Variants in GHR observed in about 807,000 individuals in gnomAD.
The protein encoded by GHR is GH receptor.
Under a neutral mutation model 67.1 loss-of-function variants are expected in GHR, and 35 were observed. The observed-to-expected ratio is 0.52, with a 90% CI of 0.40 to 0.69. GHR has a LOEUF of 0.69. Ranked by LOEUF, GHR falls within the 30% of genes least tolerant of loss-of-function variation. The probability of loss-of-function intolerance (pLI) is 0.00; values close to 1 mark genes in which losing one functional copy is unlikely to be tolerated. For synonymous variants in GHR, 272 were observed against 269.1 expected (o/e 1.01, Z -0.10); for missense variants, 792 against 764.6 (o/e 1.04, Z -0.42).
At chr5:42,665,736 T>TA (rs34918355) in intron 3 of GHR, among the ~76,000 whole-genome samples, 99,726 of 151,274 alleles carry the variant, frequency 0.66, 34,161 homozygotes, top group East Asian at 0.82. Context: ...CCCTGAAACT[T>TA]AAAGTATAAT....
chr5:42,465,618 T>TTA (rs78358184), intron 1 of GHR: 200,012 of 1,036,114 alleles, frequency 0.19, 21,225 homozygotes, highest in African/African-American at 0.29. Flanking sequence ...GGGGACTCTG[T>TTA]TAATTCATCT....
At chr5:42,668,605 C>T (rs745899333) in intron 3 of GHR, among the ~76,000 whole-genome samples, 18 of 152,080 alleles carry the variant, frequency 1.2e-4, no homozygotes, top group Non-Finnish European at 1.5e-5. Context: ...AAATTAAAAA[C>T]ATGCACATAA....
intron 1 of GHR, among the ~76,000 whole-genome samples, chr5:42,526,392 T>G (rs528468473): frequency 6.6e-6 from 1 of 152,308 alleles, no homozygotes; most frequent in South Asian, 2.1e-4. Context: ...TAAGAAGCCA[T>G]CTGTGTAATA....
rs1750552647 is a variant in GHR at position 42,574,736 on chromosome 5, C to A, written c.70+8792C>A. Reference sequence around the variant, plus strand: ...AACCAAAATAGAAGAATATTAAGAACTTTAACATGAGATGTATTTAGATCA... The same window carrying A: ...AACCAAAATAGAAGAATATTAAGAAATTTAACATGAGATGTATTTAGATCA... On this transcript the variant is annotated intron_variant, in intron 2 of 9. Coordinates refer to ENST00000230882, the MANE Select transcript of GHR (RefSeq NM_000163.5). Among the ~76,000 whole-genome samples, 5 of 152,064 alleles carry A rather than the reference C, an allele frequency of 3.3e-5. No individual in the cohort carries two copies. In the South Asian group the frequency reaches 1.0e-3, roughly 32 times the overall value.
At chr5:42,547,010 C>T (rs947000125) in intron 1 of GHR, among the ~76,000 whole-genome samples, 3 of 152,130 alleles carry the variant, frequency 2.0e-5, no homozygotes, top group African/African-American at 4.8e-5. Flanking sequence ...GTTTTAGAAA[C>T]GTGATTTAGA....
intron 2 of GHR, among the ~76,000 whole-genome samples, chr5:42,574,698 G>GAA (rs1750549071): frequency 6.6e-6 from 1 of 152,172 alleles, no homozygotes; most frequent in Non-Finnish European, 1.5e-5. Context: ...GAAAAAAATG[G>GAA]AAGAATATTA....
At chr5:42,534,220 ATGTACATGTGTATATG>A (rs1748127317) in intron 1 of GHR, among the ~76,000 whole-genome samples, 1 of 121,584 alleles carries the variant, frequency 8.2e-6, no homozygotes, top group African/African-American at 4.0e-5. Context: ...ATATGTATAT[ATGTACATGTGTATATG>A]TGTATATATG....
At chr5:42,657,295 G>A (rs997099140) in intron 3 of GHR, among the ~76,000 whole-genome samples, 1 of 152,044 alleles carries the variant, frequency 6.6e-6, no homozygotes, top group Non-Finnish European at 1.5e-5. Flanking sequence ...GAAATGGTAG[G>A]TCCAGGTGAC....
chr5:42,551,398 G>A (rs910730591), intron 1 of GHR, among the ~76,000 whole-genome samples: 1 of 152,200 alleles, frequency 6.6e-6, no homozygotes, highest in Non-Finnish European at 1.5e-5. Context: ...ACTTTGAAGG[G>A]TAGGTAGAGT....
At chr5:42,463,067 TTTAC>T (rs1454074601) in intron 1 of GHR, among the ~76,000 whole-genome samples, 1 of 152,184 alleles carries the variant, frequency 6.6e-6, no homozygotes, top group Non-Finnish European at 1.5e-5. Flanking sequence ...GATTGTAATA[TTTAC>T]TTAACCTTTC....
intron 1 of GHR, among the ~76,000 whole-genome samples, chr5:42,516,023 G>T (rs922147087): frequency 6.6e-6 from 1 of 152,160 alleles, no homozygotes; most frequent in Non-Finnish European, 1.5e-5. Context: ...TTTAGAGGGG[G>T]CACAGAGAAT....
rs1319959233 is a variant in GHR, at chr5:42,551,343, T to C, written c.-11-14521T>C. Among the ~76,000 whole-genome samples the C allele has an allele frequency of 2.0e-5, 3 of 151,982 alleles. No individual in the cohort carries two copies. The South Asian group carries it at 6.2e-4, about 32-fold the overall frequency. On this transcript the variant is annotated intron_variant, in intron 1 of 9. Coordinates refer to ENST00000230882, the MANE Select transcript of GHR (RefSeq NM_000163.5). ...AGAGGAGTTAACAGCTAAGTTGCGGTGGGGAGTCTGGAAGGCTTCATGGAC... is the reference window on the plus strand; with the variant it reads ...AGAGGAGTTAACAGCTAAGTTGCGGCGGGGAGTCTGGAAGGCTTCATGGAC...
rs72561785 is a variant in GHR at position 42,489,244 on chromosome 5, C to G, written c.-12+65289C>G. 4.7e-3 allele frequency among the ~76,000 whole-genome samples: 714 copies of G among 152,084 alleles called. 6 individuals carry two copies. Among genetic ancestry groups the G allele is most frequent in the African/African-American group, 0.013 (529 of 41,486 alleles). On this transcript the variant is annotated intron_variant, in intron 1 of 9. Coordinates refer to ENST00000230882, the MANE Select transcript of GHR (RefSeq NM_000163.5). The stretch of plus-strand genomic sequence containing the variant: ...AGTCCTCTTTTCTTCTTTTTTTCAC[C>G]TTTTTACCTCTTACATATTTCTTTT...
chr5:42,493,859 T>A (rs1374092397), intron 1 of GHR, among the ~76,000 whole-genome samples: 1 of 152,178 alleles, frequency 6.6e-6, no homozygotes, highest in Non-Finnish European at 1.5e-5. Flanking sequence ...CTGCAAACCC[T>A]CCATTACAGT....
chr5:42,523,652 C>T (rs778259383), intron 1 of GHR, among the ~76,000 whole-genome samples: 5 of 152,094 alleles, frequency 3.3e-5, no homozygotes, highest in Non-Finnish European at 7.3e-5. Flanking sequence ...CTTCCCTATT[C>T]CCTGAAACAC....
At chr5:42,523,569 A>G (rs558104286) in intron 1 of GHR, among the ~76,000 whole-genome samples, 5 of 152,108 alleles carry the variant, frequency 3.3e-5, no homozygotes, top group African/African-American at 1.2e-4. Flanking sequence ...GGGGAACTTA[A>G]TCACTAAATG....
At chr5:42,648,262 A>C (rs1250811154) in intron 3 of GHR, among the ~76,000 whole-genome samples, 1 of 152,186 alleles carries the variant, frequency 6.6e-6, no homozygotes, top group Non-Finnish European at 1.5e-5. Flanking sequence ...TGTAAGTCTT[A>C]GAGTTCTGAG....
chr5:42,586,739 G>A (rs544619930), intron 2 of GHR, among the ~76,000 whole-genome samples: 1 of 152,024 alleles, frequency 6.6e-6, no homozygotes, highest in Non-Finnish European at 1.5e-5. Flanking sequence ...CCTCACCAAG[G>A]CCCCACTGAC....
At chr5:42,568,146 C>T (rs998209616) in intron 2 of GHR, among the ~76,000 whole-genome samples, 11 of 151,984 alleles carry the variant, frequency 7.2e-5, no homozygotes, top group African/African-American at 2.4e-4. Context: ...GACCTGTATG[C>T]GTAGGGAAGG....
Sources: gnomAD v4.1 joint callset for allele counts (sites outside exome capture counted in the v4.1 genomes callset) on GRCh38, gnomAD v4.1.1 for gene constraint, MANE v1.5 for transcripts, NCBI Gene and HGNC (gene_info 2026-07-23, HGNC 2026-07-21) for gene names.